FDX1: variants seen among roughly 807,000 people sequenced by gnomAD.
FDX1 encodes ferredoxin 1.
FDX1 carries 9 observed loss-of-function variants against 14.9 expected under a neutral mutation model. The observed-to-expected ratio is 0.60, with a 90% CI of 0.36 to 1.05. FDX1 has a LOEUF of 1.05. FDX1 is among the 50% of genes least tolerant of loss of function. The pLI is 0.01. For missense variants in FDX1, 204 were observed against 237.2 expected (o/e 0.86, Z 0.92); for synonymous variants, 92 against 99.4 (o/e 0.93, Z 0.44).
intron 1 of FDX1, among the ~76,000 whole-genome samples, chr11:110,435,137 C>T (rs1946360218): frequency 6.6e-6 from 1 of 151,976 alleles, no homozygotes; most frequent in African/African-American, 2.4e-5. Context: ...CAGCCTCTTC[C>T]TCCTCCTGGG....
Position 110,456,557 on chromosome 11 carries a change from CCGGCTAGAGT to C in FDX1, c.311-360_311-351del, listed in dbSNP as rs1946523406. On this transcript the variant is annotated intron_variant, in intron 2 of 3. Coordinates refer to ENST00000260270, the MANE Select transcript of FDX1 (RefSeq NM_004109.5). ...TGAGACAGAGTCTTACTCTGTCACC[CCGGCTAGAGT>C]GTAACCTCAGCTCACTGTAACCTCC... Among the ~76,000 whole-genome samples, 7 of 148,260 alleles carry C rather than the reference CCGGCTAGAGT, an allele frequency of 4.7e-5. No homozygotes were observed. The South Asian group carries it at 1.5e-3, about 32-fold the overall frequency.
intron 2 of FDX1, among the ~76,000 whole-genome samples, chr11:110,455,922 A>G (rs754076632): frequency 3.5e-4 from 53 of 152,156 alleles, no homozygotes; most frequent in Middle Eastern, 3.4e-3. Flanking sequence ...TTGTCAGGAG[A>G]TTTTCAAGTG....
At chr11:110,445,317 G>A (rs1279172110) in intron 2 of FDX1, among the ~76,000 whole-genome samples, 1 of 152,108 alleles carries the variant, frequency 6.6e-6, no homozygotes, top group African/African-American at 2.4e-5. Context: ...TAAAACATAA[G>A]TATTATGATC....
In FDX1 at chr11:110,460,849, G is replaced by A. The variant is rs191201519; in HGVS notation, c.441-1505G>A. Among the ~76,000 whole-genome samples the A allele has an allele frequency of 1.1e-3, 172 of 152,332 alleles. 1 individual carries two copies. The highest frequency in any genetic ancestry group is 4.0e-3 in the African/African-American group (166 of 41,580). On this transcript the variant is annotated intron_variant, in intron 3 of 3. Transcript: ENST00000260270. ...TTCTGCACTGCTGGTCTCTTTGGCTGTAACTCTGATGCTGTCTCTTTAGTG... is the reference window on the plus strand; with the variant it reads ...TTCTGCACTGCTGGTCTCTTTGGCTATAACTCTGATGCTGTCTCTTTAGTG...
At chr11:110,449,175 T>G (rs929721912) in intron 2 of FDX1, among the ~76,000 whole-genome samples, 3 of 152,230 alleles carry the variant, frequency 2.0e-5, no homozygotes, top group Non-Finnish European at 4.4e-5. Flanking sequence ...TCATGATACA[T>G]ACTACTGTTA....
intron 1 of FDX1, 123 bp from the exon 2 acceptor site, chr11:110,435,711 C>T (rs1034141652): frequency 6.3e-5 from 39 of 614,550 alleles, no homozygotes; most frequent in Non-Finnish European, 9.4e-5. Context: ...AAAAATTAGC[C>T]AGGCGTGGTG....
intron 1 of FDX1, among the ~76,000 whole-genome samples, chr11:110,431,223 G>A (rs967361438): frequency 2.0e-5 from 3 of 152,184 alleles, no homozygotes; most frequent in African/African-American, 4.8e-5. Flanking sequence ...GAAGTTTTAG[G>A]TTCTTGGGCA....
rs745489952 is a variant in FDX1, at chr11:110,462,483, G to A, written c.*15G>A. 1.6e-5 allele frequency: 19 copies of A among 1,209,688 alleles called. No individual in the cohort carries two copies. The highest frequency in any genetic ancestry group is 2.3e-5 in the Non-Finnish European group (19 of 821,814). The allele number at this position is 1,209,688 out of a possible 1,614,324, so 74.9% of individuals were successfully genotyped here. A position where few individuals can be genotyped will look rare whatever the true frequency, so the allele number is the denominator to read the frequency against. On this transcript the variant is annotated 3_prime_UTR_variant, in exon 4 of 4. Transcript: ENST00000260270. Reference sequence around the variant, plus strand: ...AGACCTCCTGAACTAGAACAAATAGGAATATTTTCATGGAATTTTACCTAT... The same window carrying A: ...AGACCTCCTGAACTAGAACAAATAGAAATATTTTCATGGAATTTTACCTAT...
In FDX1 at chr11:110,444,708, A is replaced by ATATATATATATACGTG. The variant is rs1565381970; in HGVS notation, c.310+8762_310+8763insCGTGTATATATATATA. Among the ~76,000 whole-genome samples, 66 of 46,624 alleles carry ATATATATATATACGTG rather than the reference A, an allele frequency of 1.4e-3. 8 individuals are homozygous for ATATATATATATACGTG. Among genetic ancestry groups the ATATATATATATACGTG allele is most frequent in the African/African-American group, 6.3e-3 (56 of 8,952 alleles). The allele number at this position is 46,624 out of a possible 152,430, so 30.6% of individuals were successfully genotyped here. Reference sequence around the variant, plus strand: ...TACACGTATATATATATATATACGTATATATATATATATACGTATATATAT... The same window carrying ATATATATATATACGTG: ...TACACGTATATATATATATATACGTATATATATATATACGTGTATATATATATATACGTATATATAT... On this transcript the variant is annotated intron_variant, in intron 2 of 3. Transcript: ENST00000260270.
At chr11:110,452,772 T>C (rs1946495007) in intron 2 of FDX1, among the ~76,000 whole-genome samples, 1 of 152,184 alleles carries the variant, frequency 6.6e-6, no homozygotes, top group Non-Finnish European at 1.5e-5. Context: ...AAACTATAGA[T>C]ACATGCAACA....
chr11:110,461,794 T>C (rs539569722), intron 3 of FDX1, among the ~76,000 whole-genome samples: 3 of 152,310 alleles, frequency 2.0e-5, no homozygotes, highest in Admixed American at 2.0e-4. Flanking sequence ...TACCTGACAG[T>C]GTAGCAGTGA....
At chr11:110,431,219 T>G (rs373698207) in intron 1 of FDX1, among the ~76,000 whole-genome samples, 2 of 152,344 alleles carry the variant, frequency 1.3e-5, no homozygotes, top group African/African-American at 4.8e-5. Flanking sequence ...TGTTGAAGTT[T>G]TAGGTTCTTG....
Position 110,431,624 on chromosome 11 carries a change from T to C in FDX1, c.185+1319T>C, listed in dbSNP as rs139245192. Among the ~76,000 whole-genome samples, 425 of 152,360 alleles carry C rather than the reference T, an allele frequency of 2.8e-3. 1 individual carries two copies. Among genetic ancestry groups the C allele is most frequent in the Non-Finnish European group, 5.0e-3 (338 of 68,032 alleles). ...AGTGTGGGTACCTTGCTTTCTGTTA[T>C]ACAATGGATGAGTTTTGGACAACTG... On this transcript the variant is annotated intron_variant, in intron 1 of 3. Coordinates refer to ENST00000260270, the MANE Select transcript of FDX1 (RefSeq NM_004109.5).
chr11:110,430,367 G>A, intron 1 of FDX1, 62 bp downstream of exon 1: 1 of 1,091,348 alleles, frequency 9.2e-7, no homozygotes, highest in Non-Finnish European at 1.1e-6. Flanking sequence ...GTGGCGCCTG[G>A]CTCTCTGGGC....
chr11:110,445,596 T>G (rs906404252), intron 2 of FDX1, among the ~76,000 whole-genome samples: 1 of 152,204 alleles, frequency 6.6e-6, no homozygotes, highest in Non-Finnish European at 1.5e-5. Flanking sequence ...TAAAATGAAA[T>G]TCGTACTGTG....
rs368983211 is a variant in FDX1, at chr11:110,457,022, G to T, written c.415G>T (p.Asp139Tyr). ...CACTGATGAGGAGAATGACATGCTC[G>T]ATCTGGCATATGGACTAACAGACAG... is the stretch of plus-strand genomic sequence containing the variant. ...AITDEENDML[D>Y]LAYGLTDRSR... Residue 139 changes from aspartate (D) to tyrosine (Y), a missense_variant, in exon 3 of 4, where the codon GAT becomes TAT. Physicochemically the swap from Asp to Tyr is radical, Grantham distance 160. Coordinates refer to ENST00000260270, the MANE Select transcript of FDX1 (RefSeq NM_004109.5). 1.4e-5 allele frequency: 23 copies of T among 1,612,940 alleles called. No homozygotes were observed. Among genetic ancestry groups the T allele is most frequent in the East Asian group, 1.3e-4 (6 of 44,850 alleles).
chr11:110,456,509 C>CTTTTT (rs11463993), intron 2 of FDX1, among the ~76,000 whole-genome samples: 41 of 83,798 alleles, frequency 4.9e-4, no homozygotes, highest in Non-Finnish European at 5.7e-4. Context: ...TTTATGTATT[C>CTTTTT]TTTTTTTTTT....
In FDX1 at chr11:110,435,823, T is replaced by A. The variant is rs748363171; in HGVS notation, c.186-11T>A. The A allele has an allele frequency of 1.9e-6, 3 of 1,584,628 alleles. No individual in the cohort carries two copies. Among genetic ancestry groups the A allele is most frequent in the Non-Finnish European group, 2.6e-6 (3 of 1,165,890 alleles). ...TTACTAAAAATACTAAAGGACTGTT[T>A]TTTTTTCCAGCTCAGAAGATAAAAT... On this transcript the variant is annotated splice_polypyrimidine_tract_variant and intron_variant, in intron 1 of 3. Coordinates refer to ENST00000260270, the MANE Select transcript of FDX1 (RefSeq NM_004109.5).
At chr11:110,447,012 T>C (rs998317774) in intron 2 of FDX1, among the ~76,000 whole-genome samples, 1 of 151,894 alleles carries the variant, frequency 6.6e-6, no homozygotes, top group African/African-American at 2.4e-5. Context: ...CCGTCTCTAC[T>C]AAAAATACAA....
Sources: gnomAD v4.1 joint callset for allele counts (sites outside exome capture counted in the v4.1 genomes callset) on GRCh38, gnomAD v4.1.1 for gene constraint, MANE v1.5 for transcripts, NCBI Gene and HGNC (gene_info 2026-07-23, HGNC 2026-07-21) for gene names.